NRIP1: variants seen among roughly 807,000 people sequenced by gnomAD.
The protein encoded by NRIP1 is nuclear receptor interacting protein 1, also known as nuclear receptor-interacting protein 1.
In NRIP1, 28 loss-of-function variants were observed where a neutral mutation model predicts 75.0. The ratio of observed to expected loss-of-function variants is 0.37; its 90% CI spans 0.28 to 0.51. NRIP1 has a LOEUF of 0.51. Ranked by LOEUF, NRIP1 falls within the 20% of genes least tolerant of loss-of-function variation. NRIP1 has a pLI of 0.92. For synonymous variants in NRIP1, 526 were observed against 487.6 expected, an observed-to-expected ratio of 1.08 and a Z score of -1.04; for missense variants, 1,435 against 1,343.7, an observed-to-expected ratio of 1.07 and a Z score of -1.06.
chr21:15,049,463 T>C (rs960105289), intron 1 of NRIP1, among the ~76,000 whole-genome samples: 7 of 152,130 alleles, frequency 4.6e-5, no homozygotes, highest in Non-Finnish European at 1.0e-4. Flanking sequence ...CTACAAATTA[T>C]TTCCCTTTAG....
At chr21:15,030,819 A>G (rs997508915) in intron 2 of NRIP1, among the ~76,000 whole-genome samples, 8 of 152,142 alleles carry the variant, frequency 5.3e-5, no homozygotes, top group Non-Finnish European at 1.2e-4. Context: ...TTCCCTTTCT[A>G]TGTGTATACA....
intron 2 of NRIP1, among the ~76,000 whole-genome samples, chr21:15,042,066 TATTAA>T (rs2088967131): frequency 6.6e-6 from 1 of 152,180 alleles, no homozygotes; most frequent in Non-Finnish European, 1.5e-5. Context: ...TGGGGAGACT[TATTAA>T]AAGACTGTAT....
chr21:14,967,454 C>T lies in NRIP1; in HGVS notation c.739G>A (p.Val247Met). 1 of 1,613,898 alleles carries T rather than the reference C, an allele frequency of 6.2e-7. No individual in the cohort carries two copies. The highest frequency in any genetic ancestry group is 8.5e-7 in the Non-Finnish European group (1 of 1,179,932). ...AARLQAVASM[V>M]EKRASPATSP... is the part of the protein sequence containing the mutation. ...GTGGCAGGACTAGCCCTTTTTTCCA[C>T]CATGCTTGCAACAGCCTGTAATCTT... is the stretch of plus-strand genomic sequence containing the variant. Residue 247 changes from valine to methionine, a missense_variant, in exon 4 of 4, where the codon GTG (valine) becomes ATG (methionine). By Grantham distance (21) the Val-to-Met change is conservative. Coordinates refer to ENST00000318948, the MANE Select transcript of NRIP1 (RefSeq NM_003489.4).
At chr21:15,029,222 T>C (rs1600893965) in intron 2 of NRIP1, among the ~76,000 whole-genome samples, 2 of 152,170 alleles carry the variant, frequency 1.3e-5, no homozygotes, top group African/African-American at 2.4e-5. Context: ...AAACATGATA[T>C]TGGGCCACTC....
In NRIP1 at chr21:14,986,034, A is replaced by G. The variant is rs2147044481; in HGVS notation, c.-334-17508T>C. 2.0e-5 allele frequency among the ~76,000 whole-genome samples: 3 copies of G among 152,316 alleles called. No individual in the cohort carries two copies. The South Asian group carries it at 6.2e-4, about 32-fold the overall frequency. ...TTATTTTTTTACAGTATCAACCACA[A>G]TTAAACTATTTCTCTGTGCCCATTT... On this transcript the variant is annotated intron_variant, in intron 3 of 3. Coordinates refer to ENST00000318948, the MANE Select transcript of NRIP1 (RefSeq NM_003489.4).
chr21:15,050,158 C>A lies in NRIP1; in HGVS notation c.-537-6584G>T, dbSNP rs995453858. The A allele has an allele frequency of 2.0e-5, 3 of 152,804 alleles. No homozygotes were observed. The East Asian group carries it at 5.8e-4, about 29-fold the overall frequency. 9.5% of individuals were successfully genotyped at this position (152,804 alleles called of 1,614,324 possible). A position where few individuals can be genotyped will look rare whatever the true frequency, so the allele number is the denominator to read the frequency against. ...CTATAAGAAACAATTCAGAGTCAGA[C>A]ATGAAATATATGTGTGTAACTAGGT... On this transcript the variant is annotated intron_variant, in intron 1 of 3. Coordinates refer to ENST00000318948, the MANE Select transcript of NRIP1 (RefSeq NM_003489.4).
chr21:15,025,199 C>T (rs149428580), intron 2 of NRIP1, among the ~76,000 whole-genome samples: 2 of 151,996 alleles, frequency 1.3e-5, no homozygotes, highest in East Asian at 3.9e-4. Context: ...GGGTGAGGGA[C>T]AGGAGAAATG....
At chr21:15,007,961 T>G (rs1342683319) in intron 3 of NRIP1, among the ~76,000 whole-genome samples, 1 of 152,136 alleles carries the variant, frequency 6.6e-6, no homozygotes, top group Admixed American at 6.5e-5. Context: ...AAGCTGTCAG[T>G]AAATCAAGTG....
intron 3 of NRIP1, among the ~76,000 whole-genome samples, chr21:14,990,692 TG>T (rs1054119098): frequency 3.9e-5 from 6 of 152,208 alleles, no homozygotes; most frequent in Non-Finnish European, 8.8e-5. Context: ...GAAACTCTAA[TG>T]CAAAGACTGG....
intron 1 of NRIP1, among the ~76,000 whole-genome samples, chr21:15,064,518 G>A (rs189585555): frequency 0.012 from 1,768 of 152,132 alleles, 81 homozygotes; most frequent in Admixed American, 0.091. Context: ...CCGACCCGGG[G>A]CCACTCCACA....
chr21:15,046,704 T>C (rs2089086038), intron 1 of NRIP1, among the ~76,000 whole-genome samples: 1 of 152,230 alleles, frequency 6.6e-6, no homozygotes, highest in South Asian at 2.1e-4. Context: ...CAGAAGGCTG[T>C]TTCATTTACA....
At chr21:15,031,468 T>G (rs1219479634) in intron 2 of NRIP1, among the ~76,000 whole-genome samples, 2 of 141,206 alleles carry the variant, frequency 1.4e-5, no homozygotes, top group East Asian at 4.2e-4. Context: ...TCCCTTTCTA[T>G]GTGTGTACAC....
intron 3 of NRIP1, among the ~76,000 whole-genome samples, chr21:14,999,605 T>G (rs2087806267): frequency 6.6e-6 from 1 of 152,222 alleles, no homozygotes; most frequent in African/African-American, 2.4e-5. Flanking sequence ...GCTCAGGTCC[T>G]AAGCAGTTTT....
At position 14,965,073 on chromosome 21, in the gene NRIP1, T is replaced by C; in HGVS notation, c.3120A>G (p.Gly1040=). The change falls in exon 4 of 4, where the codon GGA becomes GGG. Residue 1040 remains glycine, a synonymous_variant. Transcript: ENST00000318948. The part of the protein sequence containing the change: ...LNGCSMPSEK[G]PIKWVITDAE... ...CATCAGTGATAACCCACTTAATGGG[T>C]CCTTTCTCACTGGGCATGGAACACC... is the stretch of plus-strand genomic sequence containing the variant. The C allele has an allele frequency of 6.2e-7, 1 of 1,613,796 alleles. No individual in the cohort carries two copies. The highest frequency in any genetic ancestry group is 1.1e-5 in the South Asian group (1 of 91,082).
intron 1 of NRIP1, 41 bp from the exon 2 acceptor site, chr21:15,043,615 T>C (rs902908736): frequency 1.3e-5 from 2 of 152,200 alleles, no homozygotes; most frequent in African/African-American, 4.8e-5. Flanking sequence ...AAGTGCACCT[T>C]ATCTCAAAGA....
At chr21:15,010,755 A>G (rs907977155) in intron 3 of NRIP1, among the ~76,000 whole-genome samples, 1 of 152,220 alleles carries the variant, frequency 6.6e-6, no homozygotes, top group African/African-American at 2.4e-5. Context: ...GATGTCAGTA[A>G]ACAGGCCTGC....
At chr21:14,990,905 G>A (rs1199164483) in intron 3 of NRIP1, among the ~76,000 whole-genome samples, 1 of 152,156 alleles carries the variant, frequency 6.6e-6, no homozygotes, top group African/African-American at 2.4e-5. Context: ...AAGTTCATTA[G>A]TGAAGTTGAG....
chr21:15,021,935 T>C (rs2088386553), intron 2 of NRIP1, among the ~76,000 whole-genome samples: 1 of 152,166 alleles, frequency 6.6e-6, no homozygotes, highest in Non-Finnish European at 1.5e-5. Context: ...TACTTTACAT[T>C]GCTGGTGGGA....
At chr21:15,013,069 G>A (rs2088148306) in intron 3 of NRIP1, among the ~76,000 whole-genome samples, 1 of 152,068 alleles carries the variant, frequency 6.6e-6, no homozygotes, top group Non-Finnish European at 1.5e-5. Context: ...GCAGATTTCA[G>A]ACTGCCAACC....
Sources: allele counts gnomAD v4.1 joint callset (sites outside exome capture counted in the v4.1 genomes callset), GRCh38; gene constraint gnomAD v4.1.1; transcripts MANE v1.5; gene names NCBI Gene and HGNC (gene_info 2026-07-23, HGNC 2026-07-21).